Variants in GPHN observed in about 807,000 individuals in gnomAD.
GPHN encodes the protein gephyrin.
Under a neutral mutation model 95.5 loss-of-function variants are expected in GPHN, and 17 were observed. The ratio of observed to expected loss-of-function variants is 0.18; its 90% CI spans 0.12 to 0.27. GPHN has a LOEUF of 0.27. GPHN is among the 10% of genes least tolerant of loss of function. The probability of loss-of-function intolerance (pLI) is 1.00; values close to 1 mark genes in which losing one functional copy is unlikely to be tolerated. For missense variants in GPHN, 660 were observed against 978.1 expected (o/e 0.67, Z 4.34); for synonymous variants, 320 against 322.5 (o/e 0.99, Z 0.08).
chr14:67,325,980 T>C, the GPHN span, among the ~76,000 whole-genome samples: 1 of 68,116 alleles, frequency 1.5e-5, no homozygotes, highest in Admixed American at 1.9e-4. Context: ...GGCTCTTTTC[T>C]TTTTTTTTTT....
At chr14:67,677,287 C>T in the GPHN span, 1 of 150,632 alleles carries the variant, frequency 6.6e-6, no homozygotes, top group Non-Finnish European at 1.5e-5. Flanking sequence ...ATTAAATTGA[C>T]CATAATTACC....
chr14:67,530,134 A>G, the GPHN span, among the ~76,000 whole-genome samples: 31 of 152,204 alleles, frequency 2.0e-4, no homozygotes, highest in African/African-American at 7.5e-4. Flanking sequence ...AATCTTGTAA[A>G]CAGAGATTTA....
the GPHN span, among the ~76,000 whole-genome samples, chr14:67,273,018 T>A: frequency 6.7e-6 from 1 of 149,272 alleles, no homozygotes; most frequent in Non-Finnish European, 1.5e-5. Flanking sequence ...ATTCTCACTG[T>A]CCTAGTTGAG....
At position 66,675,727 on chromosome 14, in the gene GPHN, T is replaced by C. The variant is rs542177875; in HGVS notation, c.65-5380T>C. ...CATTTCTTATATGTTTTCTTGTAGTTATTTTGTAATTTCAGGTCACAGGTT... is the reference window on the plus strand; with the variant it reads ...CATTTCTTATATGTTTTCTTGTAGTCATTTTGTAATTTCAGGTCACAGGTT... On this transcript the variant is annotated intron_variant, in intron 1 of 22. Coordinates refer to ENST00000478722, the MANE Select transcript of GPHN (RefSeq NM_020806.5). Among the ~76,000 whole-genome samples, 8 of 152,212 alleles carry C rather than the reference T, an allele frequency of 5.3e-5. 1 individual carries two copies. The highest frequency in any genetic ancestry group is 1.2e-4 in the Non-Finnish European group (8 of 68,044).
the GPHN span, among the ~76,000 whole-genome samples, chr14:67,284,894 C>T: frequency 6.6e-6 from 1 of 151,962 alleles, no homozygotes; most frequent in Non-Finnish European, 1.5e-5. Context: ...TTCCATTCGT[C>T]TAGGTTAAAA....
At chr14:66,624,406 T>C (rs1394417866) in intron 1 of GPHN, among the ~76,000 whole-genome samples, 1 of 152,244 alleles carries the variant, frequency 6.6e-6, no homozygotes, top group African/African-American at 2.4e-5. Context: ...TGATGTTAAA[T>C]TGACCTTGTG....
At position 67,139,652 on chromosome 14, in the gene GPHN, A is replaced by T. The variant is rs150421696; in HGVS notation, c.1749-3710A>T. 1.4e-4 allele frequency among the ~76,000 whole-genome samples: 21 copies of T among 152,256 alleles called. 1 individual carries two copies. The highest frequency in any genetic ancestry group is 5.1e-4 in the African/African-American group (21 of 41,510). On this transcript the variant is annotated intron_variant, in intron 17 of 22. Transcript: ENST00000478722. ...GTAATACCTTTTCAGTCTAGCATAC[A>T]GATTTGTTGAGAGATTATAGCATGC...
intron 9 of GPHN, among the ~76,000 whole-genome samples, chr14:67,016,436 T>C (rs987907777): frequency 1.3e-5 from 2 of 152,040 alleles, no homozygotes; most frequent in Admixed American, 6.6e-5. Flanking sequence ...TTTATAACCA[T>C]TGAAGTAAAA....
At chr14:66,851,997 T>A (rs888379436) in intron 4 of GPHN, among the ~76,000 whole-genome samples, 7 of 152,148 alleles carry the variant, frequency 4.6e-5, no homozygotes, top group Admixed American at 4.6e-4. Context: ...TAACTGAGAA[T>A]AAGGGTTGCA....
At chr14:67,238,610 T>G in the GPHN span, among the ~76,000 whole-genome samples, 1 of 152,088 alleles carries the variant, frequency 6.6e-6, no homozygotes, top group African/African-American at 2.4e-5. Context: ...GGATCTGCCC[T>G]CTTTTAACAT....
At chr14:66,582,499 G>A (rs952479946) in intron 1 of GPHN, among the ~76,000 whole-genome samples, 1 of 151,828 alleles carries the variant, frequency 6.6e-6, no homozygotes, top group South Asian at 2.1e-4. Context: ...TCATCATTTA[G>A]CATTAGGTAT....
intron 1 of GPHN, among the ~76,000 whole-genome samples, chr14:66,629,173 A>ACATTTATGTATATATT (rs1566729219): frequency 2.2e-5 from 2 of 90,596 alleles, no homozygotes; most frequent in Non-Finnish European, 4.0e-5. Context: ...ATATAAATAT[A>ACATTTATGTATATATT]TATATACATA....
At chr14:66,907,434 G>A (rs1460965969) in intron 5 of GPHN, among the ~76,000 whole-genome samples, 2 of 152,092 alleles carry the variant, frequency 1.3e-5, no homozygotes, top group Admixed American at 1.3e-4. Context: ...GAAAGATATA[G>A]GTGAATGGAT....
At chr14:66,519,920 T>C (rs184535029) in intron 1 of GPHN, among the ~76,000 whole-genome samples, 8 of 152,250 alleles carry the variant, frequency 5.3e-5, no homozygotes, top group Non-Finnish European at 1.0e-4. Context: ...AGTAACTTGC[T>C]CAAGTTAGTG....
the GPHN span, among the ~76,000 whole-genome samples, chr14:67,564,438 C>G: frequency 6.6e-6 from 1 of 152,136 alleles, no homozygotes; most frequent in African/African-American, 2.4e-5. Flanking sequence ...CTTTGCCAAG[C>G]TGGGCGATGG....
At chr14:67,505,042 A>G in the GPHN span, among the ~76,000 whole-genome samples, 1 of 152,208 alleles carries the variant, frequency 6.6e-6, no homozygotes, top group South Asian at 2.1e-4. Flanking sequence ...GGAATTAATC[A>G]GCAAATTGAC....
chr14:66,616,425 T>TTTGTTG (rs112215078), intron 1 of GPHN, among the ~76,000 whole-genome samples: 10 of 150,022 alleles, frequency 6.7e-5, no homozygotes, highest in Non-Finnish European at 1.2e-4. Flanking sequence ...TTCTTTGTGT[T>TTTGTTG]TTGTTGTTGT....
intron 2 of GPHN, among the ~76,000 whole-genome samples, chr14:66,686,028 G>C (rs567485277): frequency 8.5e-5 from 13 of 152,200 alleles, no homozygotes; most frequent in Non-Finnish European, 1.6e-4. Context: ...GCTTGTTTTT[G>C]TCAGGTTTGT....
At chr14:66,720,758 T>C (rs1040223143) in intron 2 of GPHN, among the ~76,000 whole-genome samples, 10 of 152,170 alleles carry the variant, frequency 6.6e-5, no homozygotes, top group Admixed American at 3.9e-4. Context: ...TCAGCATTTT[T>C]GGAGTCCAAC....
Sources: gnomAD v4.1 joint callset for allele counts (sites outside exome capture counted in the v4.1 genomes callset) on GRCh38, gnomAD v4.1.1 for gene constraint, MANE v1.5 for transcripts, NCBI Gene and HGNC (gene_info 2026-07-23, HGNC 2026-07-21) for gene names.